The following C1orf74 variants were observed in gnomAD, a reference collection of about 807,000 sequenced individuals.
C1orf74 encodes the protein chromosome 1 open reading frame 74.
A neutral mutation model predicts 7.3 loss-of-function variants in C1orf74; 5 were observed. The ratio of observed to expected loss-of-function variants is 0.68; its 90% CI spans 0.36 to 1.44. The LOEUF (loss-of-function observed/expected upper bound fraction) is 1.44. Among genes scored for constraint, C1orf74 ranks in the 40% most tolerant of loss-of-function variants. The pLI is 0.04. For synonymous variants in C1orf74, 121 were observed against 132.5 expected, an observed-to-expected ratio of 0.91 and a Z score of 0.59; for missense variants, 291 against 314.3, an observed-to-expected ratio of 0.93 and a Z score of 0.56.
At position 209,783,547 on chromosome 1, in the gene C1orf74, T is replaced by C. The variant is rs1307731903; in HGVS notation, c.88A>G (p.Ser30Gly). The C allele has an allele frequency of 1.2e-6, 2 of 1,613,950 alleles. No individual in the cohort carries two copies. Among genetic ancestry groups the C allele is most frequent in the Non-Finnish European group, 1.7e-6 (2 of 1,180,014 alleles). ...QQTLGMGKRR[S>G]PPQAICLHLA... Reference sequence around the variant, plus strand: ...TGAAGGCAGATGGCTTGGGGTGGACTCCGTCTCTTTCCCATGCCAAGGGTC... The same window carrying C: ...TGAAGGCAGATGGCTTGGGGTGGACCCCGTCTCTTTCCCATGCCAAGGGTC... Residue 30 changes from serine to glycine, a missense_variant, in exon 2 of 2, where the codon AGT becomes GGT. By Grantham distance (56) the Ser-to-Gly change is moderately conservative (BLOSUM62 0). Transcript: ENST00000294811.
rs756850805 is a variant in C1orf74, at chr1:209,783,531, A to G, written c.104T>C (p.Ile35Thr). 4 of 1,614,138 alleles carry G rather than the reference A, an allele frequency of 2.5e-6. No individual in the cohort carries two copies. The highest frequency in any genetic ancestry group is 8.5e-7 in the Non-Finnish European group (1 of 1,180,018). ...MGKRRSPPQA[I>T]CLHLAGEVLA... is the part of the protein sequence containing the mutation. Reference sequence around the variant, plus strand: ...CACCTCTCCAGCTAAGTGAAGGCAGATGGCTTGGGGTGGACTCCGTCTCTT... The same window carrying G: ...CACCTCTCCAGCTAAGTGAAGGCAGGTGGCTTGGGGTGGACTCCGTCTCTT... The change falls in exon 2 of 2, where the codon ATC becomes ACC. Residue 35 changes from isoleucine to threonine, a missense_variant. Transcript: ENST00000294811.
Position 209,780,326 on chromosome 1 carries a change from T to C in C1orf74, c.*2499A>G. ...CAGGGGCCTACTGGAAGTTAACCTTTATGTCAGAGAATGCCATCAGTCTAG... is the reference window on the plus strand; with the variant it reads ...CAGGGGCCTACTGGAAGTTAACCTTCATGTCAGAGAATGCCATCAGTCTAG... On this transcript the variant is annotated 3_prime_UTR_variant, in exon 2 of 2. Coordinates refer to ENST00000294811, the MANE Select transcript of C1orf74 (RefSeq NM_152485.4). The C allele has an allele frequency of 1.5e-6, 1 of 676,060 alleles. No individual in the cohort carries two copies. Among genetic ancestry groups the C allele is most frequent in the Non-Finnish European group, 2.2e-6 (1 of 449,810 alleles). The allele number at this position is 676,060 out of a possible 1,614,324, so 41.9% of individuals were successfully genotyped here. A position where few individuals can be genotyped will look rare whatever the true frequency, so the allele number is the denominator to read the frequency against.
In C1orf74 at chr1:209,782,808, T is replaced by C; in HGVS notation, c.*17A>G. The stretch of plus-strand genomic sequence containing the variant: ...GATCATTTACTGAGTACCTTCTATA[T>C]GGGAGGAGAGTTAAAGTCAGAGGGC... On this transcript the variant is annotated 3_prime_UTR_variant, in exon 2 of 2. Transcript: ENST00000294811. 3 of 1,609,506 alleles carry C rather than the reference T, an allele frequency of 1.9e-6. No individual in the cohort carries two copies. Among genetic ancestry groups the C allele is most frequent in the Non-Finnish European group, 1.7e-6 (2 of 1,176,976 alleles).
chr1:209,783,257 G>A lies in C1orf74; in HGVS notation c.378C>T (p.Val126=). The change falls in exon 2 of 2, where the codon GTC becomes GTT. Residue 126 remains valine (V), a synonymous_variant. Coordinates refer to ENST00000294811, the MANE Select transcript of C1orf74 (RefSeq NM_152485.4). Reference sequence around the variant, plus strand: ...AGTCCTGAAGCTGGTCCAGGGAGCAGACAGAAGGGTGACGCTGGCAGCTGG... The same window carrying A: ...AGTCCTGAAGCTGGTCCAGGGAGCAAACAGAAGGGTGACGCTGGCAGCTGG... ...DVSSCQRHPS[V]CSLDQLQDLK... 1 of 1,614,206 alleles carries A rather than the reference G, an allele frequency of 6.2e-7. No individual in the cohort carries two copies.
rs1339972865 is a variant in C1orf74 at position 209,780,771 on chromosome 1, T to C, written c.*2054A>G. 2.3e-5 allele frequency: 12 copies of C among 529,632 alleles called. No individual in the cohort carries two copies. In the South Asian group the frequency reaches 6.7e-4, roughly 30 times the overall value. 32.8% of individuals were successfully genotyped at this position (529,632 alleles called of 1,614,324 possible). On this transcript the variant is annotated 3_prime_UTR_variant, in exon 2 of 2. Coordinates refer to ENST00000294811, the MANE Select transcript of C1orf74 (RefSeq NM_152485.4). ...GTGCTTTTGGGCTGACTTGTCAATC[T>C]TTTCCCTTCCTTATTTATACCAACT...
At position 209,779,236 on chromosome 1, in the gene C1orf74, G is replaced by T. The variant is rs2077724542; in HGVS notation, c.*3589C>A. On this transcript the variant is annotated 3_prime_UTR_variant, in exon 2 of 2. Transcript: ENST00000294811. ...GATGGGAACATATTTAATAACCAAG[G>T]TTCTAAGCAAAGTTCTGAAAAGAAA... The T allele has an allele frequency of 8.3e-7, 1 of 1,198,978 alleles. No individual in the cohort carries two copies. Among genetic ancestry groups the T allele is most frequent in the Non-Finnish European group, 1.2e-6 (1 of 824,606 alleles). The allele number at this position is 1,198,978 out of a possible 1,614,324, so 74.3% of individuals were successfully genotyped here. A position where few individuals can be genotyped will look rare whatever the true frequency, so the allele number is the denominator to read the frequency against.
Position 209,780,934 on chromosome 1 carries a change from A to T in C1orf74, c.*1891T>A, listed in dbSNP as rs1436920561. The T allele has an allele frequency of 5.4e-6, 1 of 185,106 alleles. No individual in the cohort carries two copies. The allele number at this position is 185,106 out of a possible 1,614,324, so 11.5% of individuals were successfully genotyped here. On this transcript the variant is annotated 3_prime_UTR_variant, in exon 2 of 2. Transcript: ENST00000294811. ...TCTTTATATGTCTCTTAAAGAGTAAAACTCTTCCTTTGTACATACTCACAA... is the reference window on the plus strand; with the variant it reads ...TCTTTATATGTCTCTTAAAGAGTAATACTCTTCCTTTGTACATACTCACAA...
Position 209,781,384 on chromosome 1 carries a change from G to T in C1orf74, c.*1441C>A. 1 of 1,613,500 alleles carries T rather than the reference G, an allele frequency of 6.2e-7. No individual in the cohort carries two copies. Among genetic ancestry groups the T allele is most frequent in the South Asian group, 1.1e-5 (1 of 91,014 alleles). On this transcript the variant is annotated 3_prime_UTR_variant, in exon 2 of 2. Coordinates refer to ENST00000294811, the MANE Select transcript of C1orf74 (RefSeq NM_152485.4). ...TTCAGAATTAGACAACCTCAGTGAC[G>T]AGTATCTCTCCTGCCTGCGTAAGCT...
rs1004698510 is a variant in C1orf74, at chr1:209,781,761, C to G, written c.*1064G>C. The G allele has an allele frequency of 2.9e-5, 14 of 489,958 alleles. 1 individual carries two copies. Among genetic ancestry groups the G allele is most frequent in the African/African-American group, 2.1e-4 (11 of 51,832 alleles). The allele number at this position is 489,958 out of a possible 1,614,324, so 30.4% of individuals were successfully genotyped here. A position where few individuals can be genotyped will look rare whatever the true frequency, so the allele number is the denominator to read the frequency against. ...GCAAGAACAGAAGGACACAAAAGTA[C>G]TGGGGAATACAAAGAAAGAATATAA... is the stretch of plus-strand genomic sequence containing the variant. On this transcript the variant is annotated 3_prime_UTR_variant, in exon 2 of 2. Coordinates refer to ENST00000294811, the MANE Select transcript of C1orf74 (RefSeq NM_152485.4).
In C1orf74 at chr1:209,780,588, C is replaced by T. The variant is rs1301284738; in HGVS notation, c.*2237G>A. Reference sequence around the variant, plus strand: ...AGCTGCAAAAGAAGACTTTGCAGCTCCAGGCCAAGGAAAAGGAGGTGAGAG... The same window carrying T: ...AGCTGCAAAAGAAGACTTTGCAGCTTCAGGCCAAGGAAAAGGAGGTGAGAG... On this transcript the variant is annotated 3_prime_UTR_variant, in exon 2 of 2. Transcript: ENST00000294811. 6.3e-7 allele frequency: 1 copy of T among 1,589,340 alleles called. No individual in the cohort carries two copies. The highest frequency in any genetic ancestry group is 2.3e-5 in the East Asian group (1 of 43,478).
chr1:209,782,500 TGCAAGAGTGTTTG>T lies in C1orf74; in HGVS notation c.*312_*324del, dbSNP rs2077801625. The T allele has an allele frequency of 2.1e-6, 1 of 478,802 alleles. No homozygotes were observed. Among genetic ancestry groups the T allele is most frequent in the Non-Finnish European group, 3.8e-6 (1 of 265,192 alleles). The allele number at this position is 478,802 out of a possible 1,614,324, so 29.7% of individuals were successfully genotyped here. A position where few individuals can be genotyped will look rare whatever the true frequency, so the allele number is the denominator to read the frequency against. Reference sequence around the variant, plus strand: ...AGCAGGTATATTTACAAGGTTACCATGCAAGAGTGTTTGGCTTGTCTTCCATCACCCTGCTTTT... The same window carrying T: ...AGCAGGTATATTTACAAGGTTACCATGCTTGTCTTCCATCACCCTGCTTTT... On this transcript the variant is annotated 3_prime_UTR_variant, in exon 2 of 2. Coordinates refer to ENST00000294811, the MANE Select transcript of C1orf74 (RefSeq NM_152485.4).
intron 1 of C1orf74, 148 bp downstream of exon 1, chr1:209,784,230 G>A (rs1045130138): frequency 1.3e-5 from 2 of 152,278 alleles, no homozygotes; most frequent in African/African-American, 4.8e-5. Context: ...ACTGCAGAAG[G>A]GTAGTATTTT....
rs2077810771 is a variant in C1orf74 at position 209,783,396 on chromosome 1, G to A, written c.239C>T (p.Thr80Ile). The A allele has an allele frequency of 1.9e-6, 3 of 1,614,064 alleles. No homozygotes were observed. Among genetic ancestry groups the A allele is most frequent in the South Asian group, 2.2e-5 (2 of 91,080 alleles). Reference sequence around the variant, plus strand: ...AATCTCAAGGATGTGAAGTCCAAAAGTCAGGAAGCCAAGCCCCTTCAGCTC... The same window carrying A: ...AATCTCAAGGATGTGAAGTCCAAAAATCAGGAAGCCAAGCCCCTTCAGCTC... ...LEELKGLGFL[T>I]FGLHILEIGE... Residue 80 changes from threonine to isoleucine, a missense_variant, in exon 2 of 2, where the codon ACT becomes ATT. Transcript: ENST00000294811.
chr1:209,780,614 G>A lies in C1orf74; in HGVS notation c.*2211C>T, dbSNP rs906326287. 8 of 1,572,530 alleles carry A rather than the reference G, an allele frequency of 5.1e-6. No homozygotes were observed. Among genetic ancestry groups the A allele is most frequent in the South Asian group, 3.5e-5 (3 of 86,470 alleles). ...CAGGCCAAGGAAAAGGAGGTGAGAG[G>A]GTGACCTGAGATAGTGAGGGCTCAT... On this transcript the variant is annotated 3_prime_UTR_variant, in exon 2 of 2. Transcript: ENST00000294811.
At position 209,781,662 on chromosome 1, in the gene C1orf74, C is replaced by T; in HGVS notation, c.*1163G>A. 1 of 512,826 alleles carries T rather than the reference C, an allele frequency of 1.9e-6. No individual in the cohort carries two copies. Among genetic ancestry groups the T allele is most frequent in the South Asian group, 2.4e-5 (1 of 42,374 alleles). 31.8% of individuals were successfully genotyped at this position (512,826 alleles called of 1,614,324 possible). ...CAAAGCCCAACTTTCACAGAACTCT[C>T]AATGCCAGAAGGAAAGACTTACTCT... On this transcript the variant is annotated 3_prime_UTR_variant, in exon 2 of 2. Coordinates refer to ENST00000294811, the MANE Select transcript of C1orf74 (RefSeq NM_152485.4).
At position 209,783,629 on chromosome 1, in the gene C1orf74, C is replaced by A. The variant is rs1275436783; in HGVS notation, c.6G>T (p.Leu2Phe). 6.3e-7 allele frequency: 1 copy of A among 1,579,398 alleles called. No individual in the cohort carries two copies. ...TCGGTGATGACATGAGATCTAGAAG[C>A]AACATCAAGAATGGCCTCCTTAGCT... M[L>F]LLDLMSSPSP... Residue 2 changes from leucine (L) to phenylalanine (F), a missense_variant, in exon 2 of 2, where the codon TTG becomes TTT. By Grantham distance (22) the Leu-to-Phe change is conservative (BLOSUM62 0). Coordinates refer to ENST00000294811, the MANE Select transcript of C1orf74 (RefSeq NM_152485.4).
rs144054907 is a variant in C1orf74 at position 209,782,139 on chromosome 1, G to A, written c.*686C>T. ...TGTTCCTGGCCAATAAAGACAACCT[G>A]ATGATCTGAATAATTTGTGACAACT... is the stretch of plus-strand genomic sequence containing the variant. On this transcript the variant is annotated 3_prime_UTR_variant, in exon 2 of 2. Transcript: ENST00000294811. 30 of 1,613,698 alleles carry A rather than the reference G, an allele frequency of 1.9e-5. No homozygotes were observed. The African/African-American group carries it at 3.6e-4, about 19-fold the overall frequency.
chr1:209,782,668 A>G lies in C1orf74; in HGVS notation c.*157T>C. 2 of 759,056 alleles carry G rather than the reference A, an allele frequency of 2.6e-6. No individual in the cohort carries two copies. The highest frequency in any genetic ancestry group is 3.9e-4 in the Middle Eastern group (1 of 2,562). The allele number at this position is 759,056 out of a possible 1,614,324, so 47.0% of individuals were successfully genotyped here. A position where few individuals can be genotyped will look rare whatever the true frequency, so the allele number is the denominator to read the frequency against. On this transcript the variant is annotated 3_prime_UTR_variant, in exon 2 of 2. Transcript: ENST00000294811. Reference sequence around the variant, plus strand: ...TTTGCTACTAGCACCACCATTACCTATTTACATGCCCTTTGCATTTGTGGC... The same window carrying G: ...TTTGCTACTAGCACCACCATTACCTGTTTACATGCCCTTTGCATTTGTGGC...
Position 209,782,563 on chromosome 1 carries a change from C to A in C1orf74, c.*262G>T. On this transcript the variant is annotated 3_prime_UTR_variant, in exon 2 of 2. Coordinates refer to ENST00000294811, the MANE Select transcript of C1orf74 (RefSeq NM_152485.4). ...TCCTCTATCATCTCCTTCCTTCTAT[C>A]TTTTATCCAGTGAAAATGAAAACAT... 1.9e-6 allele frequency: 1 copy of A among 530,554 alleles called. No individual in the cohort carries two copies. Among genetic ancestry groups the A allele is most frequent in the Non-Finnish European group, 3.4e-6 (1 of 297,078 alleles). 32.9% of individuals were successfully genotyped at this position (530,554 alleles called of 1,614,324 possible). A position where few individuals can be genotyped will look rare whatever the true frequency, so the allele number is the denominator to read the frequency against.
Sources: gnomAD v4.1 joint callset for allele counts on GRCh38, gnomAD v4.1.1 for gene constraint, MANE v1.5 for transcripts, NCBI Gene and HGNC (gene_info 2026-07-23, HGNC 2026-07-21) for gene names.